The following NFIC variants were observed in gnomAD, a reference collection of about 807,000 sequenced individuals.
NFIC encodes the protein nuclear factor 1 C-type.
Under a neutral mutation model 54.4 loss-of-function variants are expected in NFIC, and 12 were observed. The ratio of observed to expected loss-of-function variants is 0.22; its 90% CI spans 0.14 to 0.36. NFIC has a LOEUF of 0.36. NFIC is among the 10% of genes least tolerant of loss of function. The pLI is 1.00. For missense variants in NFIC, 575 were observed against 718.2 expected, an observed-to-expected ratio of 0.80 and a Z score of 2.28; for synonymous variants, 322 against 319.2, an observed-to-expected ratio of 1.01 and a Z score of -0.09.
intron 5 of NFIC, 141 bp from the exon 6 acceptor site, chr19:3,434,942 G>A: frequency 1.7e-6 from 2 of 1,184,378 alleles, no homozygotes; most frequent in Non-Finnish European, 1.2e-6. Context: ...CGGGCTGAAC[G>A]CCCGCGGCTC....
At chr19:3,372,620 C>T (rs903237739) in intron 1 of NFIC, among the ~76,000 whole-genome samples, 1 of 151,470 alleles carries the variant, frequency 6.6e-6, no homozygotes, top group African/African-American at 2.4e-5. Flanking sequence ...GGAAGGGAAC[C>T]ACGTGGGACT....
Position 3,466,028 on chromosome 19 carries a change from T to A in NFIC, c.*3259T>A, listed in dbSNP as rs955762641. 8 of 152,174 alleles carry A rather than the reference T, an allele frequency of 5.3e-5. No homozygotes were observed. Among genetic ancestry groups the A allele is most frequent in the African/African-American group, 1.9e-4 (8 of 41,418 alleles). 9.4% of individuals were successfully genotyped at this position (152,174 alleles called of 1,614,324 possible). On this transcript the variant is annotated 3_prime_UTR_variant, in exon 11 of 11. Coordinates refer to ENST00000443272, the MANE Select transcript of NFIC (RefSeq NM_001245002.2). This position sits in a 1 kb window ranked among gnomAD's most constrained non-coding sequence, Gnocchi z 4.8. ...CCAGCTGTGAATATGAAGGGTATCC[T>A]GTATGAAACAAAAACAAAACCTGAT...
chr19:3,421,086 T>C (rs1599656810), intron 2 of NFIC, among the ~76,000 whole-genome samples: 1 of 152,326 alleles, frequency 6.6e-6, no homozygotes, highest in South Asian at 2.1e-4. Flanking sequence ...GCTATAGTTG[T>C]GTCCATTTCA....
rs1568203557 is a variant in NFIC at position 3,460,503 on chromosome 19, TGTTTTTTTTTG to T, written c.1510-2240_1510-2230del. ...ATCATTAAAGAGGAGAATTTTTTTT[TGTTTTTTTTTG>T]GTTTTTTTGGTTTTTGTTTTGAGAC... On this transcript the variant is annotated intron_variant, in intron 10 of 10. Transcript: ENST00000443272. Among the ~76,000 whole-genome samples, 6 of 152,066 alleles carry T rather than the reference TGTTTTTTTTTG, an allele frequency of 3.9e-5. No individual in the cohort carries two copies. The East Asian group carries it at 9.7e-4, about 25-fold the overall frequency.
chr19:3,465,431 A>T lies in NFIC; in HGVS notation c.*2662A>T, dbSNP rs1383225081. On this transcript the variant is annotated 3_prime_UTR_variant, in exon 11 of 11. Transcript: ENST00000443272. ...ATAAAAAATAAGAAAGTGAGAATCT[A>T]AAAAAAAAAAAAAAAAAAAAAAAGG... 5 of 58,372 alleles carry T rather than the reference A, an allele frequency of 8.6e-5. No homozygotes were observed. The African/African-American group carries it at 1.2e-3, about 14-fold the overall frequency. The allele number at this position is 58,372 out of a possible 1,614,324, so 3.6% of individuals were successfully genotyped here. A position where few individuals can be genotyped will look rare whatever the true frequency, so the allele number is the denominator to read the frequency against.
At chr19:3,380,168 T>A (rs547629050) in intron 1 of NFIC, among the ~76,000 whole-genome samples, 2 of 147,188 alleles carry the variant, frequency 1.4e-5, no homozygotes, top group African/African-American at 5.1e-5. Context: ...GCCCGGCTAA[T>A]TTTTTTGTTT....
rs1039029489 is a variant in NFIC, at chr19:3,465,338, A to C, written c.*2569A>C. ...TCGTGTAGTTTAAAAAAAAAAAGAC[A>C]AAACAGTGACATGAAATAAAAAATA... On this transcript the variant is annotated 3_prime_UTR_variant, in exon 11 of 11. Transcript: ENST00000443272. 1 of 150,598 alleles carries C rather than the reference A, an allele frequency of 6.6e-6. No individual in the cohort carries two copies. Among genetic ancestry groups the C allele is most frequent in the African/African-American group, 2.4e-5 (1 of 41,118 alleles). 9.3% of individuals were successfully genotyped at this position (150,598 alleles called of 1,614,324 possible). A position where few individuals can be genotyped will look rare whatever the true frequency, so the allele number is the denominator to read the frequency against.
intron 2 of NFIC, among the ~76,000 whole-genome samples, chr19:3,393,125 G>C (rs971591551): frequency 1.3e-5 from 2 of 151,984 alleles, no homozygotes; most frequent in Admixed American, 6.6e-5. Flanking sequence ...ATTTTTAGTA[G>C]AGATGGAGTT....
At chr19:3,417,076 G>C (rs1216346834) in intron 2 of NFIC, among the ~76,000 whole-genome samples, 1 of 150,428 alleles carries the variant, frequency 6.6e-6, no homozygotes, top group East Asian at 2.0e-4. Context: ...TAGTAGAGAT[G>C]GGGTTTCACC....
Position 3,370,654 on chromosome 19 carries a change from C to T in NFIC, c.30+3988C>T, listed in dbSNP as rs1599556159. Among the ~76,000 whole-genome samples, 2 of 149,288 alleles carry T rather than the reference C, an allele frequency of 1.3e-5. No individual in the cohort carries two copies. The highest frequency in any genetic ancestry group is 4.3e-4 in the South Asian group (2 of 4,670). On this transcript the variant is annotated intron_variant, in intron 1 of 10. Transcript: ENST00000443272. This position sits in a 1 kb window ranked among gnomAD's most constrained non-coding sequence, Gnocchi z 5.2. ...CTTCTCTCTTCTCTCTCTCTTTCTC[C>T]CTCCCTACCTCCCTCTCTGTTCCTC...
intron 3 of NFIC, among the ~76,000 whole-genome samples, chr19:3,427,664 T>A (rs2082047143): frequency 6.8e-6 from 1 of 146,932 alleles, no homozygotes. Context: ...CCGTCTCTAC[T>A]AAAAATACAA....
intron 7 of NFIC, among the ~76,000 whole-genome samples, chr19:3,450,125 T>C (rs549187055): frequency 1.9e-3 from 283 of 149,382 alleles, no homozygotes; most frequent in African/African-American, 6.6e-3. Context: ...GCGGGCGGAT[T>C]ACGAGGTCAG....
intron 1 of NFIC, among the ~76,000 whole-genome samples, chr19:3,361,365 G>A: frequency 6.6e-6 from 1 of 152,126 alleles, no homozygotes; most frequent in Non-Finnish European, 1.5e-5. Flanking sequence ...ATTATCCTAT[G>A]CTGGGGAGAG....
chr19:3,397,677 G>A (rs148371202), intron 2 of NFIC, among the ~76,000 whole-genome samples: 3 of 57,958 alleles, frequency 5.2e-5, no homozygotes, highest in African/African-American at 9.6e-5. Context: ...CGGAGGTGGC[G>A]GCAACGGGGC....
intron 1 of NFIC, among the ~76,000 whole-genome samples, chr19:3,376,428 C>CAAAAAAAAAAAA (rs35724239): frequency 1.9e-4 from 9 of 48,190 alleles, no homozygotes; most frequent in Non-Finnish European, 3.3e-4. Context: ...GACACTGTCT[C>CAAAAAAAAAAAA]AAAAAAAAAA....
Position 3,463,317 on chromosome 19 carries a change from C to A in NFIC, c.*548C>A, listed in dbSNP as rs922364257. 3.0e-6 allele frequency: 3 copies of A among 986,842 alleles called. No homozygotes were observed. The African/African-American group carries it at 5.2e-5, about 17-fold the overall frequency. The allele number at this position is 986,842 out of a possible 1,614,324, so 61.1% of individuals were successfully genotyped here. A position where few individuals can be genotyped will look rare whatever the true frequency, so the allele number is the denominator to read the frequency against. ...CACGGACCGGCCCCTCAGCCCCCAC[C>A]GAGGACGCAGCCACTGGGGGGAAAG... On this transcript the variant is annotated 3_prime_UTR_variant, in exon 11 of 11. Transcript: ENST00000443272.
chr19:3,360,270 C>T (rs1453118067), intron 1 of NFIC, among the ~76,000 whole-genome samples: 3 of 145,766 alleles, frequency 2.1e-5, no homozygotes, highest in Non-Finnish European at 4.6e-5. Flanking sequence ...CGGGCGGCCG[C>T]GCTCGGCGCC....
chr19:3,467,789 A>ATATATATATATATATGTATAT lies in NFIC; in HGVS notation c.*5020_*5021insTATATATATATATATGTATAT, dbSNP rs1176215106. On this transcript the variant is annotated 3_prime_UTR_variant, in exon 11 of 11. Transcript: ENST00000443272. Reference sequence around the variant, plus strand: ...TATATATATATATATATATATATATAATTTTGGAATTTGTTTCTCATAATA... The same window carrying ATATATATATATATATGTATAT: ...TATATATATATATATATATATATATATATATATATATATATGTATATATTTTGGAATTTGTTTCTCATAATA... 1 of 129,366 alleles carries ATATATATATATATATGTATAT rather than the reference A, an allele frequency of 7.7e-6. No homozygotes were observed. The highest frequency in any genetic ancestry group is 3.1e-5 in the African/African-American group (1 of 31,964). The allele number at this position is 129,366 out of a possible 1,614,324, so 8.0% of individuals were successfully genotyped here. A position where few individuals can be genotyped will look rare whatever the true frequency, so the allele number is the denominator to read the frequency against.
intron 2 of NFIC, among the ~76,000 whole-genome samples, chr19:3,394,411 G>T (rs4807458): frequency 0.46 from 69,154 of 151,528 alleles, 16,189 homozygotes; most frequent in Middle Eastern, 0.51. Flanking sequence ...GCCCAGGAAT[G>T]TGGGGCTCCA....
Sources: allele counts gnomAD v4.1 joint callset (sites outside exome capture counted in the v4.1 genomes callset), GRCh38; gene constraint gnomAD v4.1.1; non-coding constraint Gnocchi (gnomAD v3.1); transcripts MANE v1.5; gene names NCBI Gene and HGNC (gene_info 2026-07-23, HGNC 2026-07-21).